GSE1: variants seen among roughly 807,000 people sequenced by gnomAD.
The protein encoded by GSE1 is Gse1 coiled-coil protein, also known as genetic suppressor element 1.
Under a neutral mutation model 112.6 loss-of-function variants are expected in GSE1, and 32 were observed. The observed-to-expected ratio is 0.28, with a 90% CI of 0.21 to 0.38. The LOEUF is 0.38. Among genes scored for constraint, GSE1 ranks in the 10% least tolerant of loss-of-function variants. The pLI is 1.00. For synonymous variants in GSE1, 1,115 were observed against 735.6 expected (o/e 1.52, Z -8.35); for missense variants, 2,348 against 1,699.2 (o/e 1.38, Z -6.71).
At chr16:85,521,481 G>A (rs180867938) in intron 2 of GSE1, among the ~76,000 whole-genome samples, 12 of 152,316 alleles carry the variant, frequency 7.9e-5, no homozygotes, top group South Asian at 6.2e-4. Flanking sequence ...CCCAGCCTGC[G>A]GGCATCAATA....
rs2047368683 is a variant in GSE1 at position 85,599,383 on chromosome 16, A to AG, written c.37+43024dup. Among the ~76,000 whole-genome samples the AG allele has an allele frequency of 2.0e-5, 3 of 152,220 alleles. No individual in the cohort carries two copies. In the South Asian group the frequency reaches 6.2e-4, roughly 32 times the overall value. ...GCAGACACCCCCTTAGAGCTGGGACAGGGGCTACCTGTGGACAATACTGAT... is the reference window on the plus strand; with the variant it reads ...GCAGACACCCCCTTAGAGCTGGGACAGGGGGCTACCTGTGGACAATACTGAT... On this transcript the variant is annotated intron_variant, in intron 1 of 2. Transcript: ENST00000635906.
At chr16:85,401,888 G>A (rs1437822100) in intron 2 of GSE1, among the ~76,000 whole-genome samples, 2 of 152,322 alleles carry the variant, frequency 1.3e-5, no homozygotes, top group Non-Finnish European at 2.9e-5. Flanking sequence ...TGCCTGGCGT[G>A]AGCCTGTGCT....
At chr16:85,174,958 G>T (rs2074431191) in intron 1 of GSE1, among the ~76,000 whole-genome samples, 1 of 152,188 alleles carries the variant, frequency 6.6e-6, no homozygotes, top group Non-Finnish European at 1.5e-5. Context: ...GTGGGATGAG[G>T]AGGGCAGTGG....
chr16:85,613,174 G>T (rs940718870), upstream of GSE1: 38 of 1,391,580 alleles, frequency 2.7e-5, no homozygotes, highest in African/African-American at 2.5e-4. Context: ...AGCCGGGAGC[G>T]AGCCAGTGGC....
At chr16:85,226,941 AAGTC>A (rs758859865) in intron 1 of GSE1, among the ~76,000 whole-genome samples, 15 of 151,968 alleles carry the variant, frequency 9.9e-5, no homozygotes, top group East Asian at 5.8e-4. Flanking sequence ...TTGCAGGAAT[AAGTC>A]AGTCAGGTAG....
At chr16:85,515,050 T>G (rs550465142) in intron 2 of GSE1, among the ~76,000 whole-genome samples, 1 of 152,294 alleles carries the variant, frequency 6.6e-6, no homozygotes, top group African/African-American at 2.4e-5. Flanking sequence ...TGTGCATGTG[T>G]GTGTATGAAT....
At chr16:85,242,088 A>C (rs925860825) in intron 1 of GSE1, among the ~76,000 whole-genome samples, 3 of 152,064 alleles carry the variant, frequency 2.0e-5, no homozygotes, top group African/African-American at 4.8e-5. Flanking sequence ...CACGTCCCCA[A>C]GTGATTTGTG....
In GSE1 at chr16:85,654,840, G is replaced by T. The variant is rs144642193; in HGVS notation, c.646G>T (p.Glu216Ter). The change falls in exon 5 of 16, where the codon GAG becomes TAG. Residue 216 changes from glutamate (E) to a stop codon, truncating the protein, a stop_gained. Transcript: ENST00000253458. LOFTEE classifies it high-confidence loss of function. ...CGTGGTGCCCCCCAGTACCGTGACC[G>T]AGGACTACCTGAGAAGCTTCCGGCC... ...HHVVPPSTVT[E>*]DYLRSFRPYH... 5.6e-6 allele frequency: 9 copies of T among 1,611,786 alleles called. No homozygotes were observed. The highest frequency in any genetic ancestry group is 6.8e-6 in the Non-Finnish European group (8 of 1,179,612).
chr16:85,463,482 A>G (rs1305921686), intron 2 of GSE1, among the ~76,000 whole-genome samples: 1 of 152,206 alleles, frequency 6.6e-6, no homozygotes, highest in Non-Finnish European at 1.5e-5. Flanking sequence ...TAGCCTGGCC[A>G]TGCGGCTCCT....
intron 2 of GSE1, among the ~76,000 whole-genome samples, chr16:85,637,701 C>G (rs565719510): frequency 6.6e-6 from 1 of 152,344 alleles, no homozygotes; most frequent in East Asian, 1.9e-4. Context: ...CAGCTTGTGC[C>G]TGAGACTCCA....
At chr16:85,588,727 T>A (rs568683190) in intron 1 of GSE1, among the ~76,000 whole-genome samples, 2 of 152,292 alleles carry the variant, frequency 1.3e-5, no homozygotes, top group South Asian at 4.1e-4. Flanking sequence ...AAATCTGCCG[T>A]GGCCGTTATT....
At chr16:85,555,687 CT>C, upstream of GSE1, 2 of 927,122 alleles carry the variant, frequency 2.2e-6, no homozygotes, top group Non-Finnish European at 2.6e-6. Flanking sequence ...CCCCCCCTTC[CT>C]TTTTCCTTCT....
At chr16:85,259,754 T>C (rs957233433) in intron 1 of GSE1, among the ~76,000 whole-genome samples, 1 of 152,160 alleles carries the variant, frequency 6.6e-6, no homozygotes, top group Non-Finnish European at 1.5e-5. Flanking sequence ...TCCCTGTTGC[T>C]CCTGCACTGT....
At chr16:85,345,436 C>T (rs999184889) in intron 1 of GSE1, among the ~76,000 whole-genome samples, 1 of 152,168 alleles carries the variant, frequency 6.6e-6, no homozygotes, top group African/African-American at 2.4e-5. Context: ...AAAAGGTTTG[C>T]AAATGTGCTG....
chr16:85,231,248 CAG>C (rs979761429), intron 1 of GSE1, among the ~76,000 whole-genome samples: 2 of 136,436 alleles, frequency 1.5e-5, no homozygotes, highest in African/African-American at 5.7e-5. Context: ...GATAGCTGGA[CAG>C]AGGGATGGAT....
intron 2 of GSE1, among the ~76,000 whole-genome samples, chr16:85,407,931 GC>G (rs1183806515): frequency 2.0e-5 from 1 of 51,176 alleles, no homozygotes; most frequent in Non-Finnish European, 4.0e-5. Context: ...TTACTCTCAG[GC>G]CCCCCTGGAT....
intron 1 of GSE1, among the ~76,000 whole-genome samples, chr16:85,300,629 C>T (rs912315135): frequency 1.3e-5 from 2 of 152,236 alleles, no homozygotes; most frequent in Non-Finnish European, 2.9e-5. Flanking sequence ...CCTCATTCCT[C>T]TCTCGCCGAG....
At chr16:85,379,601 C>G (rs2047501180) in intron 2 of GSE1, among the ~76,000 whole-genome samples, 1 of 152,220 alleles carries the variant, frequency 6.6e-6, no homozygotes, top group Non-Finnish European at 1.5e-5. Context: ...TACTTAGAAG[C>G]AGCAGCCCAG....
chr16:85,456,411 C>G (rs1348195410), intron 2 of GSE1, among the ~76,000 whole-genome samples: 2 of 152,170 alleles, frequency 1.3e-5, no homozygotes, highest in African/African-American at 4.8e-5. Context: ...CTACCACCCT[C>G]TGCCTTCCAG....
Sources: allele counts gnomAD v4.1 joint callset (sites outside exome capture counted in the v4.1 genomes callset), GRCh38; gene constraint gnomAD v4.1.1; transcripts MANE v1.5; gene names NCBI Gene and HGNC (gene_info 2026-07-23, HGNC 2026-07-21).